The following SLCO6A1 variants were observed in gnomAD, a reference collection of about 807,000 sequenced individuals.
The protein encoded by SLCO6A1 is solute carrier organic anion transporter family member 6A1, also known as cancer/testis antigen 48.
Under a neutral mutation model 72.7 loss-of-function variants are expected in SLCO6A1, and 65 were observed. The ratio of observed to expected loss-of-function variants is 0.89; its 90% CI spans 0.73 to 1.10. The LOEUF is 1.10. SLCO6A1 is among the 50% of genes least tolerant of loss of function. The pLI, the probability that SLCO6A1 is intolerant of heterozygous loss-of-function variation, is 0.00. For missense variants in SLCO6A1, 874 were observed against 872.6 expected, an observed-to-expected ratio of 1.00 and a Z score of -0.02; for synonymous variants, 314 against 298.2, an observed-to-expected ratio of 1.05 and a Z score of -0.55.
At chr5:102,393,868 A>G (rs974922241) in intron 10 of SLCO6A1, among the ~76,000 whole-genome samples, 6 of 152,178 alleles carry the variant, frequency 3.9e-5, no homozygotes, top group African/African-American at 1.4e-4. Context: ...AGATACAGAT[A>G]CATCATGATT....
Position 102,378,455 on chromosome 5 carries a change from CCAAA to C in SLCO6A1, c.2018-4965_2018-4962del, listed in dbSNP as rs1310676639. Among the ~76,000 whole-genome samples the C allele has an allele frequency of 3.9e-5, 6 of 152,196 alleles. No individual in the cohort carries two copies. The East Asian group carries it at 9.7e-4, about 25-fold the overall frequency. ...GGCCATTTGATATATTTTTTACAAA[CCAAA>C]CAGTGTGACCATCACTTGAATCATG... On this transcript the variant is annotated intron_variant, in intron 12 of 13. Coordinates refer to ENST00000506729, the MANE Select transcript of SLCO6A1 (RefSeq NM_173488.5).
At chr5:102,492,833 T>G (rs1281686779) in intron 1 of SLCO6A1, among the ~76,000 whole-genome samples, 1 of 152,108 alleles carries the variant, frequency 6.6e-6, no homozygotes, top group Non-Finnish European at 1.5e-5. Flanking sequence ...GCAACGAGGC[T>G]GGGGAAGGGG....
intron 6 of SLCO6A1, among the ~76,000 whole-genome samples, chr5:102,443,450 A>T (rs763218561): frequency 6.6e-5 from 10 of 152,168 alleles, no homozygotes; most frequent in Non-Finnish European, 1.2e-4. Context: ...TTCCCCCAAA[A>T]GAGGAACTGA....
intron 7 of SLCO6A1, 23 bp downstream of exon 7, chr5:102,438,594 T>A (rs764469392): frequency 1.3e-6 from 2 of 1,568,142 alleles, no homozygotes; most frequent in South Asian, 1.2e-5. Flanking sequence ...ATTTTTGAAA[T>A]GACAATAAGA....
In SLCO6A1 at chr5:102,438,728, C is replaced by T. The variant is rs1188297782; in HGVS notation, c.1165G>A (p.Ala389Thr). The change falls in exon 7 of 14, where the codon GCT becomes ACT. Residue 389 changes from alanine to threonine, a missense_variant. Ala to Thr is a moderately conservative substitution (Grantham distance 58, BLOSUM62 0). Transcript: ENST00000506729. The part of the protein sequence containing the change: ...LMKNPVLICL[A>T]LSKATEYLVI... ...AAATATTCTGTAGCTTTTGACAGAG[C>T]TAGGCATATGAGCACTGGATTCTTC... is the stretch of plus-strand genomic sequence containing the variant. 6 of 1,581,294 alleles carry T rather than the reference C, an allele frequency of 3.8e-6. No individual in the cohort carries two copies. The South Asian group carries it at 6.0e-5, about 16-fold the overall frequency.
chr5:102,485,205 T>C (rs1752391323), intron 1 of SLCO6A1, among the ~76,000 whole-genome samples: 2 of 151,758 alleles, frequency 1.3e-5, no homozygotes, highest in Non-Finnish European at 2.9e-5. Context: ...GAGCTGAGAT[T>C]GCACCATTGC....
chr5:102,487,550 T>C (rs997199572), intron 1 of SLCO6A1, among the ~76,000 whole-genome samples: 2 of 152,198 alleles, frequency 1.3e-5, no homozygotes, highest in Non-Finnish European at 2.9e-5. Flanking sequence ...GTAAAGCTAA[T>C]CTATTATGTC....
Position 102,415,322 on chromosome 5 carries a change from A to G in SLCO6A1, c.1473-2179T>C, listed in dbSNP as rs373855531. Among the ~76,000 whole-genome samples the G allele has an allele frequency of 1.2e-4, 19 of 152,332 alleles. 2 individuals carry two copies. Among genetic ancestry groups the G allele is most frequent in the East Asian group, 1.2e-3 (6 of 5,182 alleles). On this transcript the variant is annotated intron_variant, in intron 8 of 13. Transcript: ENST00000506729. ...ACTTCAAATTACATTATAAGGCTAC[A>G]GTAACCAAAACAGCATTGTAGTGGT...
intron 10 of SLCO6A1, 67 bp downstream of exon 10, chr5:102,399,488 A>C: frequency 2.8e-6 from 3 of 1,075,394 alleles, no homozygotes; most frequent in Non-Finnish European, 2.4e-6. Flanking sequence ...ACAATATTCT[A>C]AAATCTTTCC....
In SLCO6A1 at chr5:102,477,723, G is replaced by T. The variant is rs140549680; in HGVS notation, c.755C>A (p.Thr252Asn). ...TGTAGCAACATTCTCATCAATAAAG[G>T]TTATTCCAAGGATATAAAGAGGCAT... The part of the protein sequence containing the change: ...AGMPLYILGI[T>N]FIDENVATHS... The change falls in exon 3 of 14, where the codon ACC (threonine) becomes AAC (asparagine). Residue 252 changes from threonine (T) to asparagine (N), a missense_variant. Coordinates refer to ENST00000506729, the MANE Select transcript of SLCO6A1 (RefSeq NM_173488.5). The T allele has an allele frequency of 1.2e-6, 2 of 1,613,474 alleles. No homozygotes were observed. The highest frequency in any genetic ancestry group is 1.7e-5 in the Admixed American group (1 of 59,898).
At chr5:102,420,887 G>A (rs1205320402) in intron 7 of SLCO6A1, among the ~76,000 whole-genome samples, 2 of 152,144 alleles carry the variant, frequency 1.3e-5, no homozygotes, top group Admixed American at 6.5e-5. Context: ...TGCAGAAGGT[G>A]AGTGATTTCG....
intron 4 of SLCO6A1, among the ~76,000 whole-genome samples, chr5:102,470,893 GGTCCTTGGT>G: frequency 1.3e-5 from 2 of 152,042 alleles, no homozygotes; most frequent in Non-Finnish European, 2.9e-5. Flanking sequence ...ATTCTGTGAA[GGTCCTTGGT>G]TGTAGTTTTG....
chr5:102,454,102 C>G (rs550948999), intron 6 of SLCO6A1, among the ~76,000 whole-genome samples: 2 of 152,270 alleles, frequency 1.3e-5, no homozygotes, highest in East Asian at 3.9e-4. Flanking sequence ...ACAACTATTG[C>G]TGCCTCTGGT....
intron 10 of SLCO6A1, among the ~76,000 whole-genome samples, chr5:102,394,654 G>T (rs1300433238): frequency 6.6e-6 from 1 of 151,778 alleles, no homozygotes; most frequent in Non-Finnish European, 1.5e-5. Context: ...AAATAGAGAG[G>T]ATCTCTATGT....
At chr5:102,426,426 AAAAC>A (rs1748897748) in intron 7 of SLCO6A1, among the ~76,000 whole-genome samples, 4 of 151,188 alleles carry the variant, frequency 2.6e-5, no homozygotes, top group African/African-American at 9.7e-5. Flanking sequence ...TTACAAGAAA[AAAAC>A]AAACAACCCC....
chr5:102,413,364 G>A (rs1748096779), intron 8 of SLCO6A1, among the ~76,000 whole-genome samples: 1 of 151,574 alleles, frequency 6.6e-6, no homozygotes, highest in Non-Finnish European at 1.5e-5. Context: ...CCAAAATCAT[G>A]CCAACAAACA....
At chr5:102,491,256 T>A (rs1180122141) in intron 1 of SLCO6A1, among the ~76,000 whole-genome samples, 1 of 152,202 alleles carries the variant, frequency 6.6e-6, no homozygotes, top group African/African-American at 2.4e-5. Flanking sequence ...CTGATTGGTG[T>A]ATTTACAATC....
Position 102,399,588 on chromosome 5 carries a change from A to G in SLCO6A1, c.1781T>C (p.Phe594Ser), listed in dbSNP as rs767255241. 1 of 1,582,370 alleles carries G rather than the reference A, an allele frequency of 6.3e-7. No individual in the cohort carries two copies. Residue 594 changes from phenylalanine (F) to serine (S), a missense_variant, in exon 10 of 14, where the codon TTT (phenylalanine) becomes TCT (serine). Phe to Ser is a radical substitution (Grantham distance 155). Transcript: ENST00000506729. Reference protein sequence around the residue: ...FIFSTLIFSGFSGVPIVLAMT... With the variant: ...FIFSTLIFSGSSGVPIVLAMT... ...GGCCAAGACGATTGGTACACCAGAA[A>G]AACCAGAAAATATAAGTGTAGAAAA...
At chr5:102,477,918 G>C in intron 2 of SLCO6A1, 57 bp from the exon 3 acceptor site, 1 of 1,446,770 alleles carries the variant, frequency 6.9e-7, no homozygotes, top group South Asian at 1.4e-5. Flanking sequence ...TAAAACAAAT[G>C]TGCAGTATTC....
Sources: allele counts gnomAD v4.1 joint callset (sites outside exome capture counted in the v4.1 genomes callset), GRCh38; gene constraint gnomAD v4.1.1; transcripts MANE v1.5; gene names NCBI Gene and HGNC (gene_info 2026-07-23, HGNC 2026-07-21).